Variants in VPS13C observed in about 807,000 individuals in gnomAD.
VPS13C encodes intermembrane lipid transfer protein VPS13C.
In VPS13C, 358 loss-of-function variants were observed where a neutral mutation model predicts 456.8. That is an observed-to-expected ratio of 0.78 (90% CI 0.72 to 0.86). The LOEUF (loss-of-function observed/expected upper bound fraction) is 0.86. Among genes scored for constraint, VPS13C ranks in the 40% least tolerant of loss-of-function variants. The probability of loss-of-function intolerance (pLI) is 0.00; values close to 1 mark genes in which losing one functional copy is unlikely to be tolerated. For missense variants in VPS13C, 4,818 were observed against 4,385.4 expected, an observed-to-expected ratio of 1.10 and a Z score of -2.79; for synonymous variants, 1,578 against 1,486.7, an observed-to-expected ratio of 1.06 and a Z score of -1.41.
chr15:61,859,985 A>T (rs1376517294), intron 82 of VPS13C, among the ~76,000 whole-genome samples: 2 of 152,074 alleles, frequency 1.3e-5, no homozygotes, highest in Non-Finnish European at 2.9e-5. Context: ...ACTCATAAGA[A>T]AAAAAAATTC....
At chr15:62,054,562 G>C (rs2048726954) in intron 1 of VPS13C, among the ~76,000 whole-genome samples, 2 of 152,086 alleles carry the variant, frequency 1.3e-5, no homozygotes, top group East Asian at 3.9e-4. Context: ...CACACACCAG[G>C]GCCTGTCAGG....
At chr15:61,911,245 T>C (rs1370422045) in intron 63 of VPS13C, among the ~76,000 whole-genome samples, 2 of 152,220 alleles carry the variant, frequency 1.3e-5, no homozygotes, top group African/African-American at 4.8e-5. Flanking sequence ...CTAATCTTAC[T>C]GAGCATGAAC....
intron 74 of VPS13C, among the ~76,000 whole-genome samples, chr15:61,877,280 C>T (rs1232452430): frequency 1.3e-5 from 2 of 151,838 alleles, no homozygotes; most frequent in Admixed American, 6.6e-5. Flanking sequence ...TAAAAGTCAA[C>T]CATCATCCCA....
intron 48 of VPS13C, 44 bp downstream of exon 48, chr15:61,936,553 A>G: frequency 6.7e-7 from 1 of 1,488,076 alleles, no homozygotes; most frequent in Non-Finnish European, 8.9e-7. Context: ...ATATGACATT[A>G]ACACCAATTT....
At position 61,978,856 on chromosome 15, in the gene VPS13C, C is replaced by T; in HGVS notation, c.2167-107G>A. On this transcript the variant is annotated intron_variant, in intron 22 of 84. Coordinates refer to ENST00000644861, the MANE Select transcript of VPS13C (RefSeq NM_020821.3). ...TTGCATTTAGTTAGTTAAAACCTAACAAATTGAAAATACTGCTCTTAATGA... is the reference window on the plus strand; with the variant it reads ...TTGCATTTAGTTAGTTAAAACCTAATAAATTGAAAATACTGCTCTTAATGA... 2.8e-6 allele frequency: 3 copies of T among 1,076,180 alleles called. No individual in the cohort carries two copies. The South Asian group carries it at 6.0e-5, about 22-fold the overall frequency. The allele number at this position is 1,076,180 out of a possible 1,614,324, so 66.7% of individuals were successfully genotyped here.
chr15:61,890,488 G>C, intron 66 of VPS13C, 88 bp from the exon 67 acceptor site: 4 of 1,178,512 alleles, frequency 3.4e-6, no homozygotes, highest in Non-Finnish European at 4.8e-6. Context: ...GATTAGAAAA[G>C]TTTAAGAAGC....
intron 81 of VPS13C, chr15:61,865,719 T>C (rs1372090772): frequency 4.5e-6 from 2 of 445,800 alleles, no homozygotes; most frequent in African/African-American, 4.5e-5. Flanking sequence ...TATGTGTGTA[T>C]ATATGTGTTT....
At chr15:61,900,552 G>A (rs1037888811) in intron 66 of VPS13C, among the ~76,000 whole-genome samples, 1 of 151,890 alleles carries the variant, frequency 6.6e-6, no homozygotes, top group Non-Finnish European at 1.5e-5. Context: ...CAACTTACAA[G>A]GGATGTGAAG....
At position 62,023,497 on chromosome 15, in the gene VPS13C, C is replaced by T. The variant is rs1425012733; in HGVS notation, c.538G>A (p.Asp180Asn). Residue 180 changes from aspartate to asparagine, a missense_variant, in exon 8 of 85, where the codon GAT becomes AAT. Physicochemically the swap from Asp to Asn is conservative, Grantham distance 23. This residue lies in a region of VPS13C where 4,552 missense variants were observed against 4,130.6 expected (regional missense o/e 1.10). Coordinates refer to ENST00000644861, the MANE Select transcript of VPS13C (RefSeq NM_020821.3). ...SKDKPKEAKK[D>N]TFVEKLATQV... Reference sequence around the variant, plus strand: ...GTTGCCAATTTTTCCACAAATGTATCCTTTTTGGCTTCTTTTGGCTTATCT... The same window carrying T: ...GTTGCCAATTTTTCCACAAATGTATTCTTTTTGGCTTCTTTTGGCTTATCT... 1.3e-6 allele frequency: 2 copies of T among 1,580,186 alleles called. No homozygotes were observed. The highest frequency in any genetic ancestry group is 2.7e-5 in the African/African-American group (2 of 73,010).
chr15:61,900,002 A>G (rs575809833), intron 66 of VPS13C, among the ~76,000 whole-genome samples: 1 of 152,348 alleles, frequency 6.6e-6, no homozygotes, highest in South Asian at 2.1e-4. Context: ...ACAGAGCCAA[A>G]GACAAAAACC....
Position 61,917,499 on chromosome 15 carries a change from T to C in VPS13C, c.7897A>G (p.Ser2633Gly), listed in dbSNP as rs751548872. 6.2e-7 allele frequency: 1 copy of C among 1,614,044 alleles called. No homozygotes were observed. The highest frequency in any genetic ancestry group is 8.5e-7 in the Non-Finnish European group (1 of 1,179,924). ...CMLQCPSVEVSFLPLIVNTVA... is the reference protein window; with the variant it reads ...CMLQCPSVEVGFLPLIVNTVA... The stretch of plus-strand genomic sequence containing the variant: ...GTATTCACTATGAGAGGTAAGAAGC[T>C]GACTTCTACTGATGGACACTGCAAC... The change falls in exon 60 of 85, where the codon AGC becomes GGC. Residue 2633 changes from serine to glycine, a missense_variant. Physicochemically the swap from Ser to Gly is moderately conservative, Grantham distance 56. Coordinates refer to ENST00000644861, the MANE Select transcript of VPS13C (RefSeq NM_020821.3).
intron 43 of VPS13C, among the ~76,000 whole-genome samples, 157 bp downstream of exon 43, chr15:61,947,036 T>G (rs1360060927): frequency 6.6e-6 from 1 of 152,150 alleles, no homozygotes; most frequent in South Asian, 2.1e-4. Flanking sequence ...ACAACAAATT[T>G]ACTTGTAACA....
intron 13 of VPS13C, among the ~76,000 whole-genome samples, chr15:62,010,049 G>A (rs2046987672): frequency 6.6e-6 from 1 of 152,040 alleles, no homozygotes. Context: ...AAATAGCCAG[G>A]AGTGGTGGCA....
intron 5 of VPS13C, among the ~76,000 whole-genome samples, chr15:62,032,422 G>A (rs780180252): frequency 6.6e-6 from 1 of 151,638 alleles, no homozygotes; most frequent in African/African-American, 2.4e-5. Context: ...AAATGTTGAA[G>A]CTTCTAGAAA....
chr15:62,001,755 G>A (rs1279285832), intron 15 of VPS13C, among the ~76,000 whole-genome samples: 1 of 152,174 alleles, frequency 6.6e-6, no homozygotes, highest in Non-Finnish European at 1.5e-5. Flanking sequence ...ACCCATGAGT[G>A]AGAATATGCG....
intron 22 of VPS13C, among the ~76,000 whole-genome samples, chr15:61,979,639 CTTG>C (rs2045812952): frequency 6.6e-6 from 1 of 152,220 alleles, no homozygotes; most frequent in Admixed American, 6.5e-5. Flanking sequence ...AAAACTTAAT[CTTG>C]TTCATTCCCT....
intron 9 of VPS13C, among the ~76,000 whole-genome samples, chr15:62,014,658 G>C (rs191661182): frequency 6.0e-4 from 91 of 152,210 alleles, no homozygotes; most frequent in Admixed American, 3.3e-3. Context: ...ATAATAGCAG[G>C]AAATAATTGA....
At chr15:61,866,216 T>C (rs1027350002) in intron 81 of VPS13C, 2 of 985,012 alleles carry the variant, frequency 2.0e-6, no homozygotes, top group East Asian at 2.3e-4. Flanking sequence ...TACCAAGTCC[T>C]CTCATTAGTG....
At position 61,961,611 on chromosome 15, in the gene VPS13C, G is replaced by A. The variant is rs771472277; in HGVS notation, c.3886C>T (p.Leu1296=). The change falls in exon 35 of 85, where the codon CTA becomes TTA. Residue 1296 remains leucine, a synonymous_variant. Coordinates refer to ENST00000644861, the MANE Select transcript of VPS13C (RefSeq NM_020821.3). ...PPVIDRMDVQ[L]TKLTLYRTVI... The stretch of plus-strand genomic sequence containing the variant: ...TACCTATAAAGTGTAAGCTTTGTTA[G>A]CTGCACATCCATTCTATCAATTACT... 5 of 1,603,402 alleles carry A rather than the reference G, an allele frequency of 3.1e-6. No individual in the cohort carries two copies. Among genetic ancestry groups the A allele is most frequent in the Non-Finnish European group, 3.4e-6 (4 of 1,174,534 alleles).
Sources: allele counts gnomAD v4.1 joint callset (sites outside exome capture counted in the v4.1 genomes callset), GRCh38; gene constraint gnomAD v4.1.1; regional missense constraint gnomAD v4.1.1; transcripts MANE v1.5; gene names NCBI Gene and HGNC (gene_info 2026-07-23, HGNC 2026-07-21).